Variants in KIF26B observed in about 807,000 individuals in gnomAD.
KIF26B encodes the protein kinesin family member 26B, also known as kinesin-like protein KIF26B.
A neutral mutation model predicts 151.2 loss-of-function variants in KIF26B; 63 were observed. The ratio of observed to expected loss-of-function variants is 0.42; its 90% CI spans 0.34 to 0.51. KIF26B has a LOEUF of 0.51. Among genes scored for constraint, KIF26B ranks in the 20% least tolerant of loss-of-function variants. KIF26B has a pLI of 0.07. For missense variants in KIF26B, 2,813 were observed against 2,913.6 expected, an observed-to-expected ratio of 0.97 and a Z score of 0.79; for synonymous variants, 1,357 against 1,262.1, an observed-to-expected ratio of 1.08 and a Z score of -1.59.
intron 10 of KIF26B, among the ~76,000 whole-genome samples, chr1:245,662,297 C>T (rs1407229296): frequency 2.7e-5 from 4 of 149,266 alleles, no homozygotes; most frequent in Admixed American, 6.7e-5. Context: ...TATATACTCA[C>T]ACACACCCTA....
intron 5 of KIF26B, among the ~76,000 whole-genome samples, chr1:245,598,438 C>T (rs1404523828): frequency 3.9e-5 from 6 of 152,212 alleles, no homozygotes; most frequent in Non-Finnish European, 7.3e-5. Context: ...TCTAGCTGGA[C>T]AGCTTCTGGG....
rs149200432 is a variant in KIF26B at position 245,176,092 on chromosome 1, C to T, written c.465+19409C>T. Among the ~76,000 whole-genome samples the T allele has an allele frequency of 6.8e-3, 1,038 of 151,974 alleles. 13 individuals carry two copies. The highest frequency in any genetic ancestry group is 0.021 in the African/African-American group (890 of 41,474). On this transcript the variant is annotated intron_variant, in intron 2 of 14. Transcript: ENST00000407071. Reference sequence around the variant, plus strand: ...TCAGCTCACTGCAACCTCTGCCTCCCGGGTTCAAGCGATTCTCCTGCCTCA... The same window carrying T: ...TCAGCTCACTGCAACCTCTGCCTCCTGGGTTCAAGCGATTCTCCTGCCTCA...
At chr1:245,431,407 C>T (rs902482346) in intron 4 of KIF26B, among the ~76,000 whole-genome samples, 68 of 149,120 alleles carry the variant, frequency 4.6e-4, no homozygotes, top group Non-Finnish European at 3.2e-4. Context: ...TGCAGTGGTG[C>T]GATCTCGGCT....
chr1:245,193,538 T>A (rs1669145162), intron 2 of KIF26B, among the ~76,000 whole-genome samples: 1 of 152,254 alleles, frequency 6.6e-6, no homozygotes, highest in African/African-American at 2.4e-5. Flanking sequence ...TTTCATATTT[T>A]TTTCTCATTT....
intron 5 of KIF26B, among the ~76,000 whole-genome samples, chr1:245,594,454 G>A (rs1306709174): frequency 6.6e-6 from 1 of 152,062 alleles, no homozygotes; most frequent in East Asian, 1.9e-4. Context: ...GTTTTGTCAG[G>A]TTTGTCAAAG....
chr1:245,198,852 T>C (rs1231513106), intron 2 of KIF26B, among the ~76,000 whole-genome samples: 1 of 112,716 alleles, frequency 8.9e-6, no homozygotes, highest in South Asian at 3.3e-4. Context: ...AAGATGATGC[T>C]CTGGAGAGTG....
intron 3 of KIF26B, among the ~76,000 whole-genome samples, chr1:245,383,640 A>C (rs1673468942): frequency 6.6e-6 from 1 of 152,214 alleles, no homozygotes; most frequent in Non-Finnish European, 1.5e-5. Flanking sequence ...ATCATAGTTT[A>C]TGTAACTGGC....
intron 4 of KIF26B, among the ~76,000 whole-genome samples, chr1:245,435,567 G>A (rs1357175061): frequency 6.6e-6 from 1 of 152,164 alleles, no homozygotes; most frequent in Non-Finnish European, 1.5e-5. Context: ...TTAGAACAGG[G>A]GCCAGGCTGG....
chr1:245,366,805 T>G (rs375171915), intron 2 of KIF26B, 29 bp from the exon 3 acceptor site: 34 of 1,604,794 alleles, frequency 2.1e-5, no homozygotes, highest in Middle Eastern at 1.7e-4. Flanking sequence ...TTATAGAATC[T>G]CCTCTCCCTC....
chr1:245,487,188 C>A (rs961802865), intron 4 of KIF26B, among the ~76,000 whole-genome samples: 5 of 152,038 alleles, frequency 3.3e-5, no homozygotes, highest in African/African-American at 1.2e-4. Flanking sequence ...ATGATCATGC[C>A]CACATCTTTC....
chr1:245,339,855 C>A (rs1672303657), intron 2 of KIF26B, among the ~76,000 whole-genome samples: 1 of 152,192 alleles, frequency 6.6e-6, no homozygotes, highest in East Asian at 1.9e-4. Context: ...TTATGACAGT[C>A]CTAGGTCCCT....
At chr1:245,679,358 C>T (rs35625520) in intron 10 of KIF26B, among the ~76,000 whole-genome samples, 17,203 of 151,184 alleles carry the variant, frequency 0.11, 1,052 homozygotes, top group African/African-American at 0.17. Context: ...GTTCATTATC[C>T]TGTTCTTTTT....
At chr1:245,510,901 C>A (rs917918134) in intron 4 of KIF26B, 30 of 588,560 alleles carry the variant, frequency 5.1e-5, no homozygotes, top group Non-Finnish European at 6.7e-5. Context: ...GCTGGAATCA[C>A]AAGAATGTTT....
intron 10 of KIF26B, among the ~76,000 whole-genome samples, chr1:245,671,700 C>A (rs1171779807): frequency 6.6e-6 from 1 of 152,192 alleles, no homozygotes; most frequent in East Asian, 1.9e-4. Flanking sequence ...CTTGGGGTTG[C>A]TAGTTCTGTC....
chr1:245,684,518 G>C (rs990827989), intron 11 of KIF26B, 123 bp downstream of exon 11: 3 of 1,072,302 alleles, frequency 2.8e-6, no homozygotes, highest in African/African-American at 3.2e-5. Flanking sequence ...ATGTGACTTG[G>C]AGCTGACAAC....
At chr1:245,618,946 A>G (rs954298032) in intron 9 of KIF26B, among the ~76,000 whole-genome samples, 1 of 138,982 alleles carries the variant, frequency 7.2e-6, no homozygotes, top group East Asian at 2.1e-4. Flanking sequence ...TCCTTGAGAC[A>G]GAGTGCCACA....
At chr1:245,187,880 T>C (rs1669027165) in intron 2 of KIF26B, among the ~76,000 whole-genome samples, 1 of 152,164 alleles carries the variant, frequency 6.6e-6, no homozygotes, top group African/African-American at 2.4e-5. Context: ...GAGCTCTAGA[T>C]GATATGATGA....
At chr1:245,467,821 G>C (rs1659828515) in intron 4 of KIF26B, among the ~76,000 whole-genome samples, 1 of 152,106 alleles carries the variant, frequency 6.6e-6, no homozygotes, top group Non-Finnish European at 1.5e-5. Context: ...CTTGAACCCA[G>C]GAGGTGGAGG....
At chr1:245,663,576 T>A (rs1405091703) in intron 10 of KIF26B, among the ~76,000 whole-genome samples, 3 of 152,164 alleles carry the variant, frequency 2.0e-5, no homozygotes, top group Admixed American at 6.5e-5. Context: ...TCACTGGCAT[T>A]TTATTTGTGA....
Sources: gnomAD v4.1 joint callset for allele counts (sites outside exome capture counted in the v4.1 genomes callset) on GRCh38, gnomAD v4.1.1 for gene constraint, MANE v1.5 for transcripts, NCBI Gene and HGNC (gene_info 2026-07-23, HGNC 2026-07-21) for gene names.